The following SOCS7 variants were observed in gnomAD, a reference collection of about 807,000 sequenced individuals.
The protein encoded by SOCS7 is NAP-4.
In SOCS7, 18 loss-of-function variants were observed where a neutral mutation model predicts 58.9. That is an observed-to-expected ratio of 0.31 (90% CI 0.21 to 0.45). The LOEUF (loss-of-function observed/expected upper bound fraction) is 0.45. SOCS7 is among the 20% of genes least tolerant of loss of function. SOCS7 has a pLI of 1.00. For missense variants in SOCS7, 667 were observed against 837.3 expected (o/e 0.80, Z 2.51); for synonymous variants, 388 against 364.3 (o/e 1.06, Z -0.74).
At chr17:38,389,304 C>T (rs1047702545) in intron 7 of SOCS7, among the ~76,000 whole-genome samples, 1 of 152,086 alleles carries the variant, frequency 6.6e-6, no homozygotes, top group Non-Finnish European at 1.5e-5. Context: ...GCCTATAAGC[C>T]CAGTACTTAG....
chr17:38,368,150 A>C, intron 6 of SOCS7, 100 bp downstream of exon 6: 1 of 1,061,460 alleles, frequency 9.4e-7, no homozygotes, highest in African/African-American at 1.6e-5. Flanking sequence ...TGGAACTACA[A>C]ATAGGGGAAA....
At chr17:38,375,336 T>C (rs567220890) in intron 6 of SOCS7, among the ~76,000 whole-genome samples, 3 of 152,212 alleles carry the variant, frequency 2.0e-5, no homozygotes, top group African/African-American at 7.2e-5. Context: ...CCCCTCTTCC[T>C]CTTCCTCTTC....
chr17:38,368,108 T>A, intron 6 of SOCS7, 58 bp downstream of exon 6: 1 of 1,471,742 alleles, frequency 6.8e-7, no homozygotes, highest in South Asian at 1.3e-5. Context: ...ACCTTTGCTG[T>A]CTGACTTTTT....
chr17:38,396,630 A>G (rs1296803997), intron 9 of SOCS7, among the ~76,000 whole-genome samples: 3 of 152,192 alleles, frequency 2.0e-5, no homozygotes, highest in Non-Finnish European at 4.4e-5. Flanking sequence ...AGTTCTACCC[A>G]TTTATTTTCC....
intron 6 of SOCS7, among the ~76,000 whole-genome samples, chr17:38,368,783 T>C (rs2037824912): frequency 6.6e-6 from 1 of 152,232 alleles, no homozygotes; most frequent in Non-Finnish European, 1.5e-5. Flanking sequence ...ATTACAGGTG[T>C]GTCTGAATTT....
chr17:38,356,463 C>T (rs1396393875), intron 1 of SOCS7, among the ~76,000 whole-genome samples: 2 of 151,782 alleles, frequency 1.3e-5, no homozygotes, highest in South Asian at 2.1e-4. Context: ...CTACAACCTC[C>T]GCCTCCCAGG....
At chr17:38,387,181 C>T (rs1175908510) in intron 7 of SOCS7, among the ~76,000 whole-genome samples, 4 of 126,908 alleles carry the variant, frequency 3.2e-5, no homozygotes, top group Admixed American at 1.6e-4. Flanking sequence ...CAGTGACTCA[C>T]GCCTGTAATC....
chr17:38,380,630 CA>C (rs1226167969), intron 7 of SOCS7, among the ~76,000 whole-genome samples: 248 of 122,782 alleles, frequency 2.0e-3, no homozygotes, highest in African/African-American at 3.9e-3. Flanking sequence ...GACTCTGTCT[CA>C]AAAAAAAAAA....
chr17:38,353,416 G>T (rs139106433), intron 1 of SOCS7, among the ~76,000 whole-genome samples: 1 of 152,186 alleles, frequency 6.6e-6, no homozygotes, highest in Non-Finnish European at 1.5e-5. Context: ...CACCTTGACC[G>T]CCTTGCTTAT....
At chr17:38,365,225 A>C in intron 3 of SOCS7, 83 bp from the exon 4 acceptor site, 9 of 995,972 alleles carry the variant, frequency 9.0e-6, no homozygotes, top group East Asian at 2.5e-5. Context: ...GCAGCCTGAT[A>C]GTCCTTCTCC....
At chr17:38,363,005 T>C (rs868362504) in intron 2 of SOCS7, among the ~76,000 whole-genome samples, 2 of 152,052 alleles carry the variant, frequency 1.3e-5, no homozygotes, top group Admixed American at 6.6e-5. Context: ...GTCCAGCTAC[T>C]CGGGAGGCCG....
intron 6 of SOCS7, among the ~76,000 whole-genome samples, chr17:38,371,337 C>T (rs1266441184): frequency 3.3e-5 from 5 of 151,530 alleles, no homozygotes; most frequent in East Asian, 3.9e-4. Flanking sequence ...TGCAGTGGCG[C>T]GATCTCAGCT....
rs117055750 is a variant in SOCS7, at chr17:38,398,385, A to G, written c.*31-1128A>G. Among the ~76,000 whole-genome samples, 900 of 151,298 alleles carry G rather than the reference A, an allele frequency of 5.9e-3. 3 individuals are homozygous for G. Among genetic ancestry groups the G allele is most frequent in the Non-Finnish European group, 0.01 (699 of 67,846 alleles). On this transcript the variant is annotated intron_variant, in intron 9 of 9. Coordinates refer to ENST00000612932, the MANE Select transcript of SOCS7 (RefSeq NM_014598.4). Reference sequence around the variant, plus strand: ...AGCCTCCCAGTGGGAGGCTGGGATTACAGGTGTGCACCACCACGCCTGGCT... The same window carrying G: ...AGCCTCCCAGTGGGAGGCTGGGATTGCAGGTGTGCACCACCACGCCTGGCT...
At chr17:38,369,830 A>G (rs544097493) in intron 6 of SOCS7, among the ~76,000 whole-genome samples, 1 of 149,316 alleles carries the variant, frequency 6.7e-6, no homozygotes, top group African/African-American at 2.5e-5. Context: ...TCGCTCTGTC[A>G]CCAGGCTGGA....
intron 7 of SOCS7, among the ~76,000 whole-genome samples, chr17:38,387,127 A>ATATATGTATG (rs1567749184): frequency 4.3e-5 from 4 of 93,542 alleles, no homozygotes; most frequent in Non-Finnish European, 7.7e-5. Flanking sequence ...ATATATATAT[A>ATATATGTATG]TGTATGTATA....
In SOCS7 at chr17:38,353,036, A is replaced by C; in HGVS notation, c.980+4A>C. The C allele has an allele frequency of 1.9e-6, 3 of 1,576,800 alleles. No homozygotes were observed. The highest frequency in any genetic ancestry group is 2.6e-6 in the Non-Finnish European group (3 of 1,164,146). On this transcript the variant is annotated splice_donor_region_variant and intron_variant, in intron 1 of 9. Coordinates refer to ENST00000612932, the MANE Select transcript of SOCS7 (RefSeq NM_014598.4). ...GCCGGGAGCTGGACGCGGGGAGGTGAGACCGGCCGGGGGCTGGCCGACAAA... is the reference window on the plus strand; with the variant it reads ...GCCGGGAGCTGGACGCGGGGAGGTGCGACCGGCCGGGGGCTGGCCGACAAA...
chr17:38,388,123 G>A (rs55986797), intron 7 of SOCS7, among the ~76,000 whole-genome samples: 7,076 of 152,050 alleles, frequency 0.047, 197 homozygotes, highest in Middle Eastern at 0.21. Context: ...ATTGAAGCTC[G>A]TATTGTCTCA....
chr17:38,364,834 G>T lies in SOCS7; in HGVS notation c.1128G>T (p.Pro376=), dbSNP rs146657304. 2.5e-6 allele frequency: 4 copies of T among 1,613,626 alleles called. No homozygotes were observed. Among genetic ancestry groups the T allele is most frequent in the African/African-American group, 2.7e-5 (2 of 74,980 alleles). The stretch of plus-strand genomic sequence containing the variant: ...ACCCTCCAACTCCCCCTCCTCCTCC[G>T]AGAAGAAGCCTCAGCCTCCTAGGTA... ...SPHPPTPPPP[P]RRSLSLLDDI... is the part of the protein sequence containing the mutation. The change falls in exon 3 of 10, where the codon CCG becomes CCT. Residue 376 remains proline (P), a synonymous_variant. Transcript: ENST00000612932.
chr17:38,389,685 T>C (rs1014791350), intron 7 of SOCS7, among the ~76,000 whole-genome samples: 1 of 147,358 alleles, frequency 6.8e-6, no homozygotes, highest in Non-Finnish European at 1.5e-5. Context: ...GAGTTCCTAT[T>C]CCAACTTTTT....
Sources: gnomAD v4.1 joint callset for allele counts (sites outside exome capture counted in the v4.1 genomes callset) on GRCh38, gnomAD v4.1.1 for gene constraint, MANE v1.5 for transcripts, NCBI Gene and HGNC (gene_info 2026-07-23, HGNC 2026-07-21) for gene names.